The following EPHB1 variants were observed in gnomAD, a reference collection of about 807,000 sequenced individuals.
The protein encoded by EPHB1 is ephrin type-B receptor 1.
In EPHB1, 30 loss-of-function variants were observed where a neutral mutation model predicts 94.4. That is an observed-to-expected ratio of 0.32 (90% CI 0.24 to 0.43). The LOEUF is 0.43. Ranked by LOEUF, EPHB1 falls within the 20% of genes least tolerant of loss-of-function variation. The pLI is 1.00. For synonymous variants in EPHB1, 522 were observed against 489.1 expected (o/e 1.07, Z -0.89); for missense variants, 1,055 against 1,308.3 (o/e 0.81, Z 2.99).
intron 1 of EPHB1, among the ~76,000 whole-genome samples, chr3:134,925,460 C>A (rs2038771964): frequency 6.6e-6 from 1 of 152,198 alleles, no homozygotes; most frequent in African/African-American, 2.4e-5. Context: ...ACGGCCCTGG[C>A]AGAATCTCTG....
intron 1 of EPHB1, among the ~76,000 whole-genome samples, chr3:134,826,915 T>C (rs147211890): frequency 6.6e-6 from 1 of 152,284 alleles, no homozygotes; most frequent in Admixed American, 6.5e-5. Flanking sequence ...TGACGCAACA[T>C]CCATGGGGTA....
chr3:134,922,969 G>A (rs2038717964), intron 1 of EPHB1, among the ~76,000 whole-genome samples: 1 of 152,196 alleles, frequency 6.6e-6, no homozygotes, highest in Admixed American at 6.5e-5. Context: ...ATGGAGATGA[G>A]TTTCTACAGA....
At chr3:135,107,317 T>C (rs1397783510) in intron 4 of EPHB1, among the ~76,000 whole-genome samples, 1 of 152,212 alleles carries the variant, frequency 6.6e-6, no homozygotes, top group Non-Finnish European at 1.5e-5. Flanking sequence ...CTACACTCTC[T>C]GGATAGGGAT....
intron 1 of EPHB1, among the ~76,000 whole-genome samples, chr3:134,907,780 G>C (rs1249103201): frequency 6.6e-6 from 1 of 151,988 alleles, no homozygotes; most frequent in Non-Finnish European, 1.5e-5. Flanking sequence ...ATTCAGTAAA[G>C]TCTTGGGCCA....
intron 1 of EPHB1, among the ~76,000 whole-genome samples, chr3:134,820,832 G>C (rs539833883): frequency 6.6e-6 from 1 of 152,178 alleles, no homozygotes; most frequent in Non-Finnish European, 1.5e-5. Context: ...CTTTAAAAGG[G>C]AGAAAGGGTT....
chr3:134,963,461 G>C (rs1020776342), intron 3 of EPHB1, among the ~76,000 whole-genome samples: 2 of 152,082 alleles, frequency 1.3e-5, no homozygotes, highest in Non-Finnish European at 2.9e-5. Flanking sequence ...CCTGGGTATG[G>C]AGCACACTTC....
At chr3:134,882,225 T>C (rs2037745514) in intron 1 of EPHB1, among the ~76,000 whole-genome samples, 1 of 152,050 alleles carries the variant, frequency 6.6e-6, no homozygotes, top group African/African-American at 2.4e-5. Flanking sequence ...TTTCATAAGG[T>C]AGACAAAAGA....
At chr3:135,118,271 A>G (rs1939795299) in intron 4 of EPHB1, among the ~76,000 whole-genome samples, 4 of 152,220 alleles carry the variant, frequency 2.6e-5, no homozygotes, top group Admixed American at 2.6e-4. Flanking sequence ...GCTGTGTGCC[A>G]TGGTGCTCCA....
chr3:135,190,400 AACC>A (rs1942424416), intron 10 of EPHB1, among the ~76,000 whole-genome samples: 1 of 152,234 alleles, frequency 6.6e-6, no homozygotes. Context: ...AAGAAATACT[AACC>A]AATATTCTTC....
intron 3 of EPHB1, among the ~76,000 whole-genome samples, chr3:135,019,456 A>G (rs1311172107): frequency 6.6e-6 from 1 of 152,214 alleles, no homozygotes; most frequent in East Asian, 1.9e-4. Flanking sequence ...CTGTAGATGA[A>G]TATGTCAGAA....
intron 5 of EPHB1, among the ~76,000 whole-genome samples, chr3:135,134,249 A>C (rs1940531336): frequency 6.6e-6 from 1 of 152,196 alleles, no homozygotes; most frequent in South Asian, 2.1e-4. Context: ...GGAGCCAAGC[A>C]TCTATCTCTG....
chr3:134,889,112 T>A (rs541843084), intron 1 of EPHB1, among the ~76,000 whole-genome samples: 10 of 152,302 alleles, frequency 6.6e-5, no homozygotes, highest in Admixed American at 5.2e-4. Context: ...TGAGCAGATA[T>A]GATTCACATG....
At chr3:135,183,034 C>CTTTTCTTTTCTTTTCTTTTCTTTTCT in intron 10 of EPHB1, among the ~76,000 whole-genome samples, 1 of 62,494 alleles carries the variant, frequency 1.6e-5, no homozygotes, top group Non-Finnish European at 3.3e-5. Context: ...TCTTTTCTTT[C>CTTTTCTTTTCTTTTCTTTTCTTTTCT]TTTCTTTCTT....
chr3:134,804,439 A>AGATTTGGGTGGG (rs1389598922), intron 1 of EPHB1, among the ~76,000 whole-genome samples: 3 of 141,502 alleles, frequency 2.1e-5, no homozygotes, highest in Non-Finnish European at 3.2e-5. Context: ...ACTCAAGTTA[A>AGATTTGGGTGGG]GATTTGGGTG....
intron 3 of EPHB1, among the ~76,000 whole-genome samples, chr3:135,080,824 A>G (rs544326186): frequency 2.0e-5 from 3 of 152,328 alleles, no homozygotes; most frequent in African/African-American, 4.8e-5. Context: ...CAACATGACA[A>G]TATGGCTAAG....
chr3:135,134,126 C>T lies in EPHB1; in HGVS notation c.1297+1077C>T, dbSNP rs149082421. 1.2e-4 allele frequency among the ~76,000 whole-genome samples: 18 copies of T among 152,358 alleles called. No individual in the cohort carries two copies. In the East Asian group the frequency reaches 3.5e-3, roughly 29 times the overall value. On this transcript the variant is annotated intron_variant, in intron 5 of 15. Coordinates refer to ENST00000398015, the MANE Select transcript of EPHB1 (RefSeq NM_004441.5). ...TGCAAGGCTGCAGAGGGGAAGTGAA[C>T]ATCACATGCACAGGCAATGGGGGTC...
intron 1 of EPHB1, among the ~76,000 whole-genome samples, chr3:134,866,075 A>T (rs553489122): frequency 6.6e-6 from 1 of 152,250 alleles, no homozygotes; most frequent in South Asian, 2.1e-4. Flanking sequence ...TGCCAGAGTG[A>T]GGGGTGAGCA....
intron 5 of EPHB1, among the ~76,000 whole-genome samples, chr3:135,142,926 G>T (rs778283168): frequency 6.6e-6 from 1 of 152,120 alleles, no homozygotes; most frequent in Non-Finnish European, 1.5e-5. Flanking sequence ...TTTTGCAAAG[G>T]GTGCAGGAGA....
At chr3:134,924,835 C>G (rs374429210) in intron 1 of EPHB1, among the ~76,000 whole-genome samples, 2 of 152,076 alleles carry the variant, frequency 1.3e-5, no homozygotes, top group Non-Finnish European at 2.9e-5. Flanking sequence ...TCCATTTATA[C>G]GAAATGTGAG....
Sources: allele counts gnomAD v4.1 joint callset (sites outside exome capture counted in the v4.1 genomes callset), GRCh38; gene constraint gnomAD v4.1.1; transcripts MANE v1.5; gene names NCBI Gene and HGNC (gene_info 2026-07-23, HGNC 2026-07-21).